EPPK1: variants seen among roughly 807,000 people sequenced by gnomAD.
EPPK1 encodes epiplakin.
For synonymous variants in EPPK1, 1,862 were observed against 1,721.2 expected, an observed-to-expected ratio of 1.08 and a Z score of -2.03; for missense variants, 3,823 against 3,673.3, an observed-to-expected ratio of 1.04 and a Z score of -1.05.
intron 1 of EPPK1, among the ~76,000 whole-genome samples, chr8:143,877,374 G>A (rs781880410): frequency 9.2e-5 from 14 of 152,198 alleles, no homozygotes; most frequent in Non-Finnish European, 1.9e-4. Context: ...ATCTGGAGGA[G>A]GTGGCTGCTG....
In EPPK1 at chr8:143,868,315, G is replaced by T. The variant is rs375118468; in HGVS notation, c.4939C>A (p.Arg1647Ser). ...GGGTCGGTGTAGCCGGTGACGGCGC[G>T]CTCGGCCGACAGCAGCTTCACGTAG... ...ETYVKLLSAE[R>S]AVTGYTDPYT... is the part of the protein sequence containing the mutation. Residue 1647 changes from arginine (R) to serine (S), a missense_variant, in exon 2 of 2, where the codon CGC becomes AGC. Physicochemically the swap from Arg to Ser is moderately radical, Grantham distance 110. Transcript: ENST00000615648. 4.3e-6 allele frequency: 7 copies of T among 1,613,122 alleles called. No homozygotes were observed. Among genetic ancestry groups the T allele is most frequent in the Middle Eastern group, 1.6e-4 (1 of 6,062 alleles).
At position 143,872,840 on chromosome 8, in the gene EPPK1, C is replaced by A; in HGVS notation, c.414G>T (p.Gly138=). The change falls in exon 2 of 2, where the codon GGG becomes GGT. Residue 138 remains glycine, a synonymous_variant. Coordinates refer to ENST00000615648, the MANE Select transcript of EPPK1 (RefSeq NM_031308.4). ...CCAGGGCCCTGTCCACAACCTCCTTCCCGATGGCCTGAAAGAGGGCCAGCT... is the reference window on the plus strand; with the variant it reads ...CCAGGGCCCTGTCCACAACCTCCTTACCGATGGCCTGAAAGAGGGCCAGCT... The part of the protein sequence containing the change: ...GEKLALFQAI[G]KEVVDRALGQ... 1 of 1,563,234 alleles carries A rather than the reference C, an allele frequency of 6.4e-7. No homozygotes were observed.
In EPPK1 at chr8:143,871,015, C is replaced by T. The variant is rs537637399; in HGVS notation, c.2239G>A (p.Gly747Ser). 48 of 1,613,264 alleles carry T rather than the reference C, an allele frequency of 3.0e-5. 1 individual carries two copies. Among genetic ancestry groups the T allele is most frequent in the East Asian group, 2.7e-4 (12 of 44,876 alleles). The change falls in exon 2 of 2, where the codon GGC becomes AGC. Residue 747 changes from glycine to serine, a missense_variant. Coordinates refer to ENST00000615648, the MANE Select transcript of EPPK1 (RefSeq NM_031308.4). ...AAGTTCAGCATCTGATCGAAGTAGC[C>T]GCGCCGGTAGGCCACGTCCACGGGC... ...RVPVDVAYRR[G>S]YFDQMLNLIL...
chr8:143,871,250 C>T lies in EPPK1; in HGVS notation c.2004G>A (p.Leu668=), dbSNP rs1357781852. 2 of 1,612,996 alleles carry T rather than the reference C, an allele frequency of 1.2e-6. No individual in the cohort carries two copies. The highest frequency in any genetic ancestry group is 1.3e-5 in the African/African-American group (1 of 74,960). The change falls in exon 2 of 2, where the codon CTG becomes CTA. Residue 668 remains leucine (L), a synonymous_variant. Coordinates refer to ENST00000615648, the MANE Select transcript of EPPK1 (RefSeq NM_031308.4). ...CATCAGGCCCAATGACAGCAGCCCTCAGTGCCTCCTCAACGGAGTGCCCCT... is the reference window on the plus strand; with the variant it reads ...CATCAGGCCCAATGACAGCAGCCCTTAGTGCCTCCTCAACGGAGTGCCCCT... ...ANKGHSVEEA[L]RAAVIGPDVF...
chr8:143,870,646 C>G lies in EPPK1; in HGVS notation c.2608G>C (p.Ala870Pro). Reference protein sequence around the residue: ...TLGQVAKLLEAETQRQADIML... With the variant: ...TLGQVAKLLEPETQRQADIML... ...ATGTCCGCCTGTCTCTGCGTCTCCG[C>G]CTCCAGCAGCTTTGCCACCTGCCCC... is the stretch of plus-strand genomic sequence containing the variant. Residue 870 changes from alanine to proline, a missense_variant, in exon 2 of 2, where the codon GCG (alanine) becomes CCG (proline). Coordinates refer to ENST00000615648, the MANE Select transcript of EPPK1 (RefSeq NM_031308.4). This position sits in a 1 kb window ranked among gnomAD's most constrained non-coding sequence, Gnocchi z 5.2. 6.2e-7 allele frequency: 1 copy of G among 1,606,714 alleles called. No individual in the cohort carries two copies. Among genetic ancestry groups the G allele is most frequent in the East Asian group, 2.2e-5 (1 of 44,462 alleles).
At position 143,873,261 on chromosome 8, in the gene EPPK1, G is replaced by C; in HGVS notation, c.-8C>G. On this transcript the variant is annotated 5_prime_UTR_variant, in exon 2 of 2. Coordinates refer to ENST00000615648, the MANE Select transcript of EPPK1 (RefSeq NM_031308.4). ...CAAGGTGTGGCCACTCATCACACAC[G>C]GCTGGTTATGCAGAGCCTGCTGAGG... 3 of 1,538,956 alleles carry C rather than the reference G, an allele frequency of 1.9e-6. No individual in the cohort carries two copies. The highest frequency in any genetic ancestry group is 2.6e-6 in the Non-Finnish European group (3 of 1,151,028).
In EPPK1 at chr8:143,869,912, G is replaced by A; in HGVS notation, c.3342C>T (p.Pro1114=). 2 of 1,609,290 alleles carry A rather than the reference G, an allele frequency of 1.2e-6. No individual in the cohort carries two copies. The highest frequency in any genetic ancestry group is 1.7e-6 in the Non-Finnish European group (2 of 1,178,366). ...RDETSGLHLL[P]LPESAPALPT... ...GGAGGGCAGGAGCACTTTCTGGCAG[G>A]GGCAGGAGGTGAAGGCCAGAAGTCT... The change falls in exon 2 of 2, where the codon CCC becomes CCT. Residue 1114 remains proline (P), a synonymous_variant. Coordinates refer to ENST00000615648, the MANE Select transcript of EPPK1 (RefSeq NM_031308.4).
rs781802435 is a variant in EPPK1 at position 143,868,021 on chromosome 8, G to A, written c.5233C>T (p.Arg1745Cys). ...ENLTYLQLLE[R>C]CVEDPETGLY... Reference sequence around the variant, plus strand: ...CCCGTCTCGGGGTCCTCCACACAGCGCTCCAGAAGCTGCAGGTACGTGAGG... The same window carrying A: ...CCCGTCTCGGGGTCCTCCACACAGCACTCCAGAAGCTGCAGGTACGTGAGG... Residue 1745 changes from arginine (R) to cysteine (C), a missense_variant, in exon 2 of 2, where the codon CGC becomes TGC. Physicochemically the swap from Arg to Cys is radical, Grantham distance 180 (BLOSUM62 -3). Coordinates refer to ENST00000615648, the MANE Select transcript of EPPK1 (RefSeq NM_031308.4). 118 of 1,613,628 alleles carry A rather than the reference G, an allele frequency of 7.3e-5. No individual in the cohort carries two copies. The highest frequency in any genetic ancestry group is 6.7e-4 in the East Asian group (30 of 44,882).
chr8:143,869,768 C>T lies in EPPK1; in HGVS notation c.3486G>A (p.Leu1162=), dbSNP rs377463397. Reference sequence around the variant, plus strand: ...TGGTCCTCCCCTCCTGCACGTCCTCCAGCAGGCCCCTCCGTTGCTCCTCGG... The same window carrying T: ...TGGTCCTCCCCTCCTGCACGTCCTCTAGCAGGCCCCTCCGTTGCTCCTCGG... ...HFTEEQRRGL[L]EDVQEGRTTV... The change falls in exon 2 of 2, where the codon CTG becomes CTA. Residue 1162 remains leucine, a synonymous_variant. Transcript: ENST00000615648. 1.6e-5 allele frequency: 26 copies of T among 1,603,800 alleles called. No homozygotes were observed. In the Middle Eastern group the frequency reaches 1.3e-3, roughly 81 times the overall value.
chr8:143,866,315 G>GATCTC lies in EPPK1; in HGVS notation c.6938_6939insGAGAT (p.Tyr2314ArgfsTer61), dbSNP rs1819103284. 2.1e-5 allele frequency: 11 copies of GATCTC among 528,288 alleles called. No homozygotes were observed. The highest frequency in any genetic ancestry group is 3.9e-5 in the African/African-American group (1 of 25,838). 32.7% of individuals were successfully genotyped at this position (528,288 alleles called of 1,614,324 possible). Reference sequence around the variant, plus strand: ...AGAGGGAGATCTGCTGCCCGGTGTAGGGGTCGGTGTAGCCGGTGACGGCGC... The same window carrying GATCTC: ...AGAGGGAGATCTGCTGCCCGGTGTAGATCTCGGGTCGGTGTAGCCGGTGACGGCGC... On this transcript the variant is annotated frameshift_variant, in exon 2 of 2. Transcript: ENST00000615648. LOFTEE classifies it low-confidence loss of function (END_TRUNC).
rs782241330 is a variant in EPPK1 at position 143,870,728 on chromosome 8, G to T, written c.2526C>A (p.Phe842Leu). ...GCAGCTGCCTCCTGCGGCCCTCGCT[G>T]AAGTACTCAGAGTTGATCAGCTCCC... ...SAWELINSEY[F>L]SEGRRRQLLR... The change falls in exon 2 of 2, where the codon TTC (phenylalanine) becomes TTA (leucine). Residue 842 changes from phenylalanine (F) to leucine (L), a missense_variant. Transcript: ENST00000615648. The surrounding 1 kb of genome is among the most constrained non-coding windows in gnomAD (Gnocchi z 5.2). The T allele has an allele frequency of 3.7e-6, 6 of 1,612,024 alleles. No individual in the cohort carries two copies. In the Admixed American group the frequency reaches 8.3e-5, roughly 22 times the overall value.
In EPPK1 at chr8:143,857,896, C is replaced by CAAAAAAAAAAAAAAAAAAAAAAAA; in HGVS notation, c.*90_*91insTTTTTTTTTTTTTTTTTTTTTTTT. The CAAAAAAAAAAAAAAAAAAAAAAAA allele has an allele frequency of 6.9e-6, 3 of 437,924 alleles. No individual in the cohort carries two copies. The highest frequency in any genetic ancestry group is 4.4e-5 in the South Asian group (1 of 22,894). 27.1% of individuals were successfully genotyped at this position (437,924 alleles called of 1,614,324 possible). A position where few individuals can be genotyped will look rare whatever the true frequency, so the allele number is the denominator to read the frequency against. On this transcript the variant is annotated 3_prime_UTR_variant, in exon 2 of 2. Transcript: ENST00000615648. ...GTAAAACAACAAAATTAAAGAATGA[C>CAAAAAAAAAAAAAAAAAAAAAAAA]AAAAAAAAAAAAAAAAAAAAAAACA...
At position 143,866,238 on chromosome 8, in the gene EPPK1, A is replaced by C; in HGVS notation, c.7016T>G (p.Leu2339Arg). ...LIVREHGIRL[L>R]EAQIATGGVI... ...GCCGCCCGTGGCGATCTGGGCCTCC[A>C]GCAGGCGGATGCCGTGCTCCCGGAC... The change falls in exon 2 of 2, where the codon CTG becomes CGG. Residue 2339 changes from leucine to arginine, a missense_variant. Coordinates refer to ENST00000615648, the MANE Select transcript of EPPK1 (RefSeq NM_031308.4). 2.1e-6 allele frequency: 1 copy of C among 465,374 alleles called. No homozygotes were observed. Among genetic ancestry groups the C allele is most frequent in the East Asian group, 3.2e-5 (1 of 31,512 alleles). The allele number at this position is 465,374 out of a possible 1,614,324, so 28.8% of individuals were successfully genotyped here.
rs536513369 is a variant in EPPK1 at position 143,867,080 on chromosome 8, G to C, written c.6174C>G (p.Asn2058Lys). 1.2e-6 allele frequency: 2 copies of C among 1,612,832 alleles called. No homozygotes were observed. The highest frequency in any genetic ancestry group is 1.3e-5 in the African/African-American group (1 of 74,922). Residue 2058 changes from asparagine to lysine, a missense_variant, in exon 2 of 2, where the codon AAC becomes AAG. By Grantham distance (94) the Asn-to-Lys change is moderately conservative (BLOSUM62 0). Coordinates refer to ENST00000615648, the MANE Select transcript of EPPK1 (RefSeq NM_031308.4). ...KHMRKRFVDP[N>K]TQEKVSYREL... The stretch of plus-strand genomic sequence containing the variant: ...CTCGGTACGAGACCTTCTCTTGCGT[G>C]TTCGGGTCCACAAACCGTTTCCTCA...
chr8:143,877,506 G>A (rs962323152), intron 1 of EPPK1, among the ~76,000 whole-genome samples: 12 of 152,158 alleles, frequency 7.9e-5, no homozygotes, highest in Non-Finnish European at 1.5e-4. Flanking sequence ...TGGCCCCCAG[G>A]CCCCAAGTGG....
chr8:143,872,588 G>A lies in EPPK1; in HGVS notation c.666C>T (p.Pro222=), dbSNP rs782273480. Residue 222 remains proline, a synonymous_variant, in exon 2 of 2, where the codon CCC becomes CCT. Transcript: ENST00000615648. ...GGGGCAGCAAGGCTAGCCCCGAGCC[G>A]GGGGCACGCACACACCTTTCCAGCA... The part of the protein sequence containing the change: ...HQLLERCVRA[P]GSGLALLPLK... The A allele has an allele frequency of 9.3e-6, 15 of 1,609,534 alleles. No homozygotes were observed. The highest frequency in any genetic ancestry group is 8.4e-5 in the Admixed American group (5 of 59,818).
In EPPK1 at chr8:143,866,281, T is replaced by G; in HGVS notation, c.6973A>C (p.Met2325Leu). The change falls in exon 2 of 2, where the codon ATG (methionine) becomes CTG (leucine). Residue 2325 changes from methionine to leucine, a missense_variant. By Grantham distance (15) the Met-to-Leu change is conservative. Coordinates refer to ENST00000615648, the MANE Select transcript of EPPK1 (RefSeq NM_031308.4). ...TGQQISLFQA[M>L]QKDLIVREHG... ...TCCCGGACGATGAGGTCCTTCTGCA[T>G]GGCCTGGAAGAGGGAGATCTGCTGC... 2.0e-6 allele frequency: 1 copy of G among 499,908 alleles called. No homozygotes were observed. Among genetic ancestry groups the G allele is most frequent in the Admixed American group, 4.5e-5 (1 of 22,244 alleles). The allele number at this position is 499,908 out of a possible 1,614,324, so 31.0% of individuals were successfully genotyped here.
In EPPK1 at chr8:143,871,899, A is replaced by G. The variant is rs1819364060; in HGVS notation, c.1355T>C (p.Leu452Pro). 6.2e-7 allele frequency: 1 copy of G among 1,609,258 alleles called. No homozygotes were observed. Residue 452 changes from leucine to proline, a missense_variant, in exon 2 of 2, where the codon CTG (leucine) becomes CCG (proline). Coordinates refer to ENST00000615648, the MANE Select transcript of EPPK1 (RefSeq NM_031308.4). ...CTCTGGGTCGGTGACACAGAGGGCC[A>G]GCAGCTGTTCATAGCGCAGGCCGCC... ...THGGLRYEQL[L>P]ALCVTDPETG...
At chr8:143,877,181 G>C (rs1811205872) in intron 1 of EPPK1, among the ~76,000 whole-genome samples, 1 of 152,212 alleles carries the variant, frequency 6.6e-6, no homozygotes, top group South Asian at 2.1e-4. Context: ...ATCTCTTCCT[G>C]ACCTTGGGCC....
Sources: allele counts gnomAD v4.1 joint callset (sites outside exome capture counted in the v4.1 genomes callset), GRCh38; gene constraint gnomAD v4.1.1; non-coding constraint Gnocchi (gnomAD v3.1); transcripts MANE v1.5; gene names NCBI Gene and HGNC (gene_info 2026-07-23, HGNC 2026-07-21).